Variants in HS6ST3 observed in about 807,000 individuals in gnomAD.
The protein encoded by HS6ST3 is heparan sulfate 6-O-sulfotransferase 3, also known as heparan-sulfate 6-O-sulfotransferase 3.
A neutral mutation model predicts 36.7 loss-of-function variants in HS6ST3; 12 were observed. The observed-to-expected ratio is 0.33, with a 90% CI of 0.21 to 0.53. HS6ST3 has a LOEUF of 0.53. Among genes scored for constraint, HS6ST3 ranks in the 20% least tolerant of loss-of-function variants. HS6ST3 has a pLI of 0.95. For synonymous variants in HS6ST3, 240 were observed against 257.5 expected (o/e 0.93, Z 0.65); for missense variants, 584 against 640.9 (o/e 0.91, Z 0.96).
intron 1 of HS6ST3, among the ~76,000 whole-genome samples, chr13:96,743,860 G>A (rs1025912998): frequency 2.0e-5 from 3 of 151,892 alleles, no homozygotes; most frequent in African/African-American, 7.3e-5. Context: ...ATGATTTATT[G>A]GAGCATGGTA....
chr13:96,657,362 A>G (rs1412984847), intron 1 of HS6ST3, among the ~76,000 whole-genome samples: 2 of 152,082 alleles, frequency 1.3e-5, no homozygotes, highest in East Asian at 1.9e-4. Context: ...AGAGTTTGAG[A>G]CCAGCCTGGG....
intron 1 of HS6ST3, among the ~76,000 whole-genome samples, chr13:96,415,977 T>A (rs1157384514): frequency 2.6e-5 from 4 of 152,226 alleles, no homozygotes; most frequent in Non-Finnish European, 4.4e-5. Flanking sequence ...AGAACTGTTT[T>A]TCATCGGTGG....
At chr13:96,607,697 A>T (rs2056443825) in intron 1 of HS6ST3, among the ~76,000 whole-genome samples, 1 of 152,130 alleles carries the variant, frequency 6.6e-6, no homozygotes, top group African/African-American at 2.4e-5. Flanking sequence ...AGGTTCTGAG[A>T]CTATTGTGTA....
chr13:96,350,924 C>T (rs779854873), intron 1 of HS6ST3, among the ~76,000 whole-genome samples: 9 of 152,148 alleles, frequency 5.9e-5, no homozygotes, highest in Non-Finnish European at 1.2e-4. Context: ...TGTTTCTTAA[C>T]TTAAATATTT....
chr13:96,805,508 C>T (rs1343995982), intron 1 of HS6ST3, among the ~76,000 whole-genome samples: 1 of 152,158 alleles, frequency 6.6e-6, no homozygotes, highest in African/African-American at 2.4e-5. Flanking sequence ...ACAGTGATTA[C>T]AATGATGATG....
chr13:96,451,952 G>C (rs2055730346), intron 1 of HS6ST3, among the ~76,000 whole-genome samples: 1 of 152,024 alleles, frequency 6.6e-6, no homozygotes, highest in South Asian at 2.1e-4. Context: ...ACTTGTTTTT[G>C]TTTAGTCTGG....
chr13:96,757,650 T>G (rs1876867193), intron 1 of HS6ST3, among the ~76,000 whole-genome samples: 1 of 152,128 alleles, frequency 6.6e-6, no homozygotes, highest in Admixed American at 6.5e-5. Context: ...TTCTTTCTAT[T>G]GTAAGTTCGC....
intron 1 of HS6ST3, among the ~76,000 whole-genome samples, chr13:96,338,035 T>C (rs550705663): frequency 1.3e-5 from 2 of 152,244 alleles, no homozygotes; most frequent in East Asian, 1.9e-4. Flanking sequence ...TTAGATGTGA[T>C]ACTTTCTTAT....
chr13:96,673,729 A>G lies in HS6ST3; in HGVS notation c.708-158761A>G, dbSNP rs186103844. ...TTCCAGTTTCTGAGATATTTCTTCA[A>G]TTTATCTCTTCTAACCCTTCTGCTG... is the stretch of plus-strand genomic sequence containing the variant. On this transcript the variant is annotated intron_variant, in intron 1 of 1. Coordinates refer to ENST00000376705, the MANE Select transcript of HS6ST3 (RefSeq NM_153456.4). 5.2e-4 allele frequency among the ~76,000 whole-genome samples: 79 copies of G among 151,996 alleles called. 1 individual carries two copies. The highest frequency in any genetic ancestry group is 1.7e-3 in the African/African-American group (69 of 41,456).
chr13:96,733,965 T>G (rs1876221125), intron 1 of HS6ST3, among the ~76,000 whole-genome samples: 2 of 152,206 alleles, frequency 1.3e-5, no homozygotes, highest in African/African-American at 4.8e-5. Context: ...ATTTTTCTGT[T>G]TCAATTCAGC....
chr13:96,190,425 AG>A (rs1380230096), intron 1 of HS6ST3, among the ~76,000 whole-genome samples: 1 of 152,162 alleles, frequency 6.6e-6, no homozygotes, highest in Non-Finnish European at 1.5e-5. Flanking sequence ...ATACCTCTCT[AG>A]TACCTCATAT....
At chr13:96,351,153 T>G (rs2055180787) in intron 1 of HS6ST3, among the ~76,000 whole-genome samples, 1 of 152,150 alleles carries the variant, frequency 6.6e-6, no homozygotes, top group East Asian at 1.9e-4. Context: ...GGATAATAAA[T>G]GAAAGATAAT....
intron 1 of HS6ST3, among the ~76,000 whole-genome samples, chr13:96,508,583 G>T (rs1023912774): frequency 6.6e-6 from 1 of 151,978 alleles, no homozygotes; most frequent in East Asian, 1.9e-4. Flanking sequence ...GTATGCCTTT[G>T]TGTACTCATA....
chr13:96,125,299 A>G (rs764788461), intron 1 of HS6ST3, among the ~76,000 whole-genome samples: 1 of 152,208 alleles, frequency 6.6e-6, no homozygotes, highest in Non-Finnish European at 1.5e-5. Flanking sequence ...CCTGGAGTCA[A>G]GATCCAAATG....
chr13:96,763,001 A>G (rs898583609), intron 1 of HS6ST3, among the ~76,000 whole-genome samples: 2 of 152,176 alleles, frequency 1.3e-5, no homozygotes, highest in African/African-American at 2.4e-5. Flanking sequence ...TTCCATCCCA[A>G]TATGGTCCTT....
At chr13:96,168,918 C>A (rs915002341) in intron 1 of HS6ST3, among the ~76,000 whole-genome samples, 2 of 151,974 alleles carry the variant, frequency 1.3e-5, no homozygotes, top group Non-Finnish European at 2.9e-5. Context: ...ACCCTCACCC[C>A]ATCTCACTCT....
intron 1 of HS6ST3, among the ~76,000 whole-genome samples, chr13:96,297,287 A>G (rs2054859828): frequency 6.6e-6 from 1 of 152,036 alleles, no homozygotes; most frequent in Non-Finnish European, 1.5e-5. Flanking sequence ...GTTTTCCACA[A>G]TGACCATTTT....
At chr13:96,149,729 T>C (rs898752891) in intron 1 of HS6ST3, among the ~76,000 whole-genome samples, 4 of 152,192 alleles carry the variant, frequency 2.6e-5, no homozygotes, top group African/African-American at 9.6e-5. Flanking sequence ...AAATACAAGG[T>C]ACAACTTTCT....
At chr13:96,424,108 A>C (rs2055574672) in intron 1 of HS6ST3, among the ~76,000 whole-genome samples, 1 of 152,206 alleles carries the variant, frequency 6.6e-6, no homozygotes, top group South Asian at 2.1e-4. Flanking sequence ...GTAATATGAA[A>C]TCCAATTACA....
Sources: allele counts gnomAD v4.1 joint callset (sites outside exome capture counted in the v4.1 genomes callset), GRCh38; gene constraint gnomAD v4.1.1; transcripts MANE v1.5; gene names NCBI Gene and HGNC (gene_info 2026-07-23, HGNC 2026-07-21).